The following GPR107 variants were observed in gnomAD, a reference collection of about 807,000 sequenced individuals.
GPR107 encodes the protein protein GPR107.
In GPR107, 31 loss-of-function variants were observed where a neutral mutation model predicts 75.5. The ratio of observed to expected loss-of-function variants is 0.41; its 90% confidence interval spans 0.31 to 0.55. The LOEUF is 0.55. GPR107 is among the 20% of genes least tolerant of loss of function. The probability of loss-of-function intolerance (pLI) is 0.26; values close to 1 mark genes in which losing one functional copy is unlikely to be tolerated. For synonymous variants in GPR107, 267 were observed against 251.3 expected (o/e 1.06, Z -0.59); for missense variants, 572 against 665.7 (o/e 0.86, Z 1.55).
rs1554900141 is a variant in GPR107, at chr9:130,137,508, T to C, written c.*2387T>C. 6.6e-6 allele frequency: 1 copy of C among 152,262 alleles called. No homozygotes were observed. The highest frequency in any genetic ancestry group is 2.4e-5 in the African/African-American group (1 of 41,458). The allele number at this position is 152,262 out of a possible 1,614,324, so 9.4% of individuals were successfully genotyped here. A position where few individuals can be genotyped will look rare whatever the true frequency, so the allele number is the denominator to read the frequency against. On this transcript the variant is annotated 3_prime_UTR_variant, in exon 18 of 18. Transcript: ENST00000347136. ...GCAGGTCATCTGGCCATGTCTGTAT[T>C]GTAACTGGTAAAAGGCTTCAAGTCA...
chr9:130,097,098 A>G (rs552054444), intron 9 of GPR107, among the ~76,000 whole-genome samples: 15 of 152,072 alleles, frequency 9.9e-5, no homozygotes, highest in Admixed American at 2.0e-4. Flanking sequence ...GCAGTCCCAG[A>G]AGGAAGCACA....
chr9:130,072,096 G>A (rs1830223911), intron 1 of GPR107, among the ~76,000 whole-genome samples: 1 of 151,192 alleles, frequency 6.6e-6, no homozygotes, highest in African/African-American at 2.4e-5. Flanking sequence ...AGCCTACCAA[G>A]TAGCTGGGAT....
At chr9:130,082,686 A>T (rs1830522143) in intron 5 of GPR107, among the ~76,000 whole-genome samples, 1 of 151,842 alleles carries the variant, frequency 6.6e-6, no homozygotes, top group African/African-American at 2.4e-5. Flanking sequence ...TCACCATGTT[A>T]GCCAGGATGG....
At chr9:130,127,626 T>A in intron 16 of GPR107, 60 bp downstream of exon 16, 6 of 892,378 alleles carry the variant, frequency 6.7e-6, no homozygotes, top group Non-Finnish European at 9.5e-6. Context: ...AGTCTTGAAG[T>A]GTAACTTAAC....
chr9:130,139,659 TG>T lies in GPR107; in HGVS notation c.*4541del, dbSNP rs1832049165. The T allele has an allele frequency of 6.6e-6, 1 of 152,260 alleles. No individual in the cohort carries two copies. The highest frequency in any genetic ancestry group is 2.4e-5 in the African/African-American group (1 of 41,444). 9.4% of individuals were successfully genotyped at this position (152,260 alleles called of 1,614,324 possible). On this transcript the variant is annotated 3_prime_UTR_variant, in exon 18 of 18. Coordinates refer to ENST00000347136, the MANE Select transcript of GPR107 (RefSeq NM_020960.5). Reference sequence around the variant, plus strand: ...GGTGTCTGCAGGTGGGACGGCGTTCTGGGCAGAGTCAGAATGGTCAGAATGA... The same window carrying T: ...GGTGTCTGCAGGTGGGACGGCGTTCTGGCAGAGTCAGAATGGTCAGAATGA...
Position 130,099,504 on chromosome 9 carries a change from C to A in GPR107, c.911C>A (p.Thr304Asn). 1 of 1,601,772 alleles carries A rather than the reference C, an allele frequency of 6.2e-7. No homozygotes were observed. Among genetic ancestry groups the A allele is most frequent in the Non-Finnish European group, 8.6e-7 (1 of 1,168,902 alleles). ...IHWLMAALPF[T>N]KSLSLVFHAI... is the part of the protein sequence containing the mutation. ...TGGCTGATGGCGGCCCTTCCTTTCACCAAGTCTCTTTCCTTGGTGTTCCAT... is the reference window on the plus strand; with the variant it reads ...TGGCTGATGGCGGCCCTTCCTTTCAACAAGTCTCTTTCCTTGGTGTTCCAT... The change falls in exon 10 of 18, where the codon ACC (threonine) becomes AAC (asparagine). Residue 304 changes from threonine to asparagine, a missense_variant. Coordinates refer to ENST00000347136, the MANE Select transcript of GPR107 (RefSeq NM_020960.5).
At chr9:130,080,577 C>T (rs181420951) in intron 5 of GPR107, among the ~76,000 whole-genome samples, 3,339 of 151,938 alleles carry the variant, frequency 0.022, 53 homozygotes, top group Middle Eastern at 0.034. Context: ...CTGCAAGCTC[C>T]GCCTCCCGGG....
rs373455635 is a variant in GPR107, at chr9:130,066,176, G to C, written c.142-9460G>C. Among the ~76,000 whole-genome samples, 3 of 151,882 alleles carry C rather than the reference G, an allele frequency of 2.0e-5. No individual in the cohort carries two copies. In the East Asian group the frequency reaches 5.8e-4, roughly 30 times the overall value. On this transcript the variant is annotated intron_variant, in intron 1 of 17. Coordinates refer to ENST00000347136, the MANE Select transcript of GPR107 (RefSeq NM_020960.5). The stretch of plus-strand genomic sequence containing the variant: ...TATCTGGGTGTGGTGGTGTGCACCT[G>C]TAATCCCAGCTACTTGGGAGGATGA...
At chr9:130,132,282 C>G (rs1486781734) in intron 17 of GPR107, among the ~76,000 whole-genome samples, 1 of 152,192 alleles carries the variant, frequency 6.6e-6, no homozygotes, top group Admixed American at 6.5e-5. Context: ...CCTGGAGACT[C>G]TGATTCTCAC....
chr9:130,121,667 T>C (rs1831550255), intron 14 of GPR107, among the ~76,000 whole-genome samples: 2 of 152,230 alleles, frequency 1.3e-5, no homozygotes, highest in Admixed American at 6.5e-5. Context: ...CCACTGTGGC[T>C]CACTGCTGAG....
chr9:130,133,630 A>G (rs1210061976), intron 17 of GPR107, among the ~76,000 whole-genome samples: 1 of 152,246 alleles, frequency 6.6e-6, no homozygotes, highest in Non-Finnish European at 1.5e-5. Context: ...TAAAGAGGCC[A>G]GGCCTGAGAC....
intron 13 of GPR107, among the ~76,000 whole-genome samples, chr9:130,106,091 G>A (rs1831149146): frequency 6.6e-6 from 1 of 152,262 alleles, no homozygotes; most frequent in South Asian, 2.1e-4. Context: ...GGGAACAGAG[G>A]TTCACACCCT....
intron 14 of GPR107, among the ~76,000 whole-genome samples, chr9:130,122,180 C>T (rs562421801): frequency 1.7e-4 from 26 of 152,184 alleles, no homozygotes; most frequent in Admixed American, 5.2e-4. Flanking sequence ...CATGAGCCGC[C>T]GCGCCCAGCC....
At chr9:130,102,035 G>A (rs944880792) in intron 12 of GPR107, among the ~76,000 whole-genome samples, 3 of 152,196 alleles carry the variant, frequency 2.0e-5, no homozygotes, top group East Asian at 1.9e-4. Context: ...TGAGGAACAT[G>A]TGTTGACATC....
intron 11 of GPR107, among the ~76,000 whole-genome samples, 160 bp from the exon 12 acceptor site, chr9:130,100,945 GT>G: frequency 6.6e-6 from 1 of 152,204 alleles, no homozygotes. Flanking sequence ...AGCTAACTGT[GT>G]GCCCTGAAGG....
In GPR107 at chr9:130,099,511, T is replaced by G; in HGVS notation, c.918T>G (p.Ser306=). The change falls in exon 10 of 18, where the codon TCT becomes TCG. Residue 306 remains serine, a synonymous_variant. Coordinates refer to ENST00000347136, the MANE Select transcript of GPR107 (RefSeq NM_020960.5). ...WLMAALPFTK[S]LSLVFHAIDY... The stretch of plus-strand genomic sequence containing the variant: ...TGGCGGCCCTTCCTTTCACCAAGTC[T>G]CTTTCCTTGGTGTTCCATGCAGTAT... 6.3e-7 allele frequency: 1 copy of G among 1,595,266 alleles called. No homozygotes were observed.
chr9:130,070,980 A>G (rs1342038864), intron 1 of GPR107, among the ~76,000 whole-genome samples: 1 of 150,714 alleles, frequency 6.6e-6, no homozygotes, highest in African/African-American at 2.4e-5. Context: ...CAGCCTCCCA[A>G]AGTGTTGGGA....
chr9:130,115,353 C>T (rs886998175), intron 14 of GPR107, among the ~76,000 whole-genome samples: 1 of 152,146 alleles, frequency 6.6e-6, no homozygotes, highest in African/African-American at 2.4e-5. Context: ...GACTCATTCC[C>T]AGAAGAGATC....
At chr9:130,087,413 A>G (rs1830639950) in intron 7 of GPR107, among the ~76,000 whole-genome samples, 2 of 152,114 alleles carry the variant, frequency 1.3e-5, no homozygotes, top group Admixed American at 1.3e-4. Context: ...CACGCCTGTT[A>G]TCCCAGCACT....
Sources: gnomAD v4.1 joint callset for allele counts (sites outside exome capture counted in the v4.1 genomes callset) on GRCh38, gnomAD v4.1.1 for gene constraint, MANE v1.5 for transcripts, NCBI Gene and HGNC (gene_info 2026-07-23, HGNC 2026-07-21) for gene names.